Variants in SLC25A26 observed in about 807,000 individuals in gnomAD.
SLC25A26 encodes solute carrier family 25 member 26, also known as mitochondrial S-adenosylmethionine carrier protein.
Under a neutral mutation model 37.8 loss-of-function variants are expected in SLC25A26, and 36 were observed. The observed-to-expected ratio is 0.95, with a 90% CI of 0.73 to 1.26. The LOEUF is 1.26. SLC25A26 is among the 50% of genes most tolerant of loss of function. The probability of loss-of-function intolerance (pLI) is 0.00; values close to 1 mark genes in which losing one functional copy is unlikely to be tolerated. For synonymous variants in SLC25A26, 129 were observed against 122.5 expected (o/e 1.05, Z -0.35); for missense variants, 390 against 331.1 (o/e 1.18, Z -1.38).
intron 1 of SLC25A26, among the ~76,000 whole-genome samples, chr3:66,198,640 CCTCAACCCACATCCTAACTCCGGCA>C (rs2071075223): frequency 2.0e-5 from 3 of 151,842 alleles, no homozygotes; most frequent in Non-Finnish European, 1.5e-5. Context: ...CCTCACTTGA[CCTCAACCCACATCCTAACTCCGGCA>C]CTCACTGTGA....
chr3:66,324,229 T>TGTGTGTGTGTGTGTGTGGTGTG (rs58406484), intron 5 of SLC25A26: 1 of 128,054 alleles, frequency 7.8e-6, no homozygotes. Flanking sequence ...TGTGTGTGTG[T>TGTGTGTGTGTGTGTGTGGTGTG]AGTTTGACAG....
intron 1 of SLC25A26, among the ~76,000 whole-genome samples, chr3:66,146,536 T>C (rs908794098): frequency 2.6e-5 from 4 of 152,156 alleles, no homozygotes; most frequent in African/African-American, 9.7e-5. Flanking sequence ...ATGTATTATT[T>C]GTACATATGG....
intron 3 of SLC25A26, among the ~76,000 whole-genome samples, chr3:66,257,501 G>C (rs2073350393): frequency 6.6e-6 from 1 of 152,136 alleles, no homozygotes; most frequent in East Asian, 1.9e-4. Flanking sequence ...CAAAGATCCA[G>C]GTTTGATGCA....
At chr3:66,145,053 C>A (rs1055238919) in intron 1 of SLC25A26, among the ~76,000 whole-genome samples, 1 of 152,032 alleles carries the variant, frequency 6.6e-6, no homozygotes, top group Non-Finnish European at 1.5e-5. Context: ...AGAAGAAATC[C>A]CTTAAGAATT....
At chr3:66,299,043 G>A (rs574848857) in intron 5 of SLC25A26, among the ~76,000 whole-genome samples, 1 of 152,156 alleles carries the variant, frequency 6.6e-6, no homozygotes, top group African/African-American at 2.4e-5. Context: ...AGGGACCCTT[G>A]GTTTGTGTGT....
intron 1 of SLC25A26, among the ~76,000 whole-genome samples, chr3:66,194,100 T>A (rs1318824769): frequency 6.6e-6 from 1 of 152,234 alleles, no homozygotes; most frequent in African/African-American, 2.4e-5. Context: ...TTTGAAAATG[T>A]GTCTTATCTG....
intron 6 of SLC25A26, 158 bp downstream of exon 6, chr3:66,346,566 A>C (rs1029440337): frequency 6.3e-6 from 1 of 159,472 alleles, no homozygotes; most frequent in African/African-American, 2.4e-5. Flanking sequence ...ATGCCATTTC[A>C]GCCTTTTAAA....
chr3:66,183,644 C>G (rs969641861), intron 1 of SLC25A26, among the ~76,000 whole-genome samples: 7 of 152,034 alleles, frequency 4.6e-5, no homozygotes, highest in Non-Finnish European at 8.8e-5. Flanking sequence ...GATCCTGAAT[C>G]TGACCTTCAT....
rs1239888599 is a variant in SLC25A26 at position 66,346,363 on chromosome 3, G to C, written c.454-1G>C. 2 of 1,480,352 alleles carry C rather than the reference G, an allele frequency of 1.4e-6. No homozygotes were observed. The highest frequency in any genetic ancestry group is 2.5e-5 in the East Asian group (1 of 39,668). The allele number at this position is 1,480,352 out of a possible 1,614,324, so 91.7% of individuals were successfully genotyped here. On this transcript the variant is annotated splice_acceptor_variant, in intron 5 of 9. Coordinates refer to ENST00000354883, the MANE Select transcript of SLC25A26 (RefSeq NM_001379210.1). LOFTEE classifies it high-confidence loss of function. The stretch of plus-strand genomic sequence containing the variant: ...ATTTAATTTTTTTTTTCTCTCTTCA[G>C]ATTCCTTTTTCTTTGGTCCAGTTTC...
intron 5 of SLC25A26, among the ~76,000 whole-genome samples, chr3:66,315,239 A>G (rs192141068): frequency 1.3e-5 from 2 of 152,046 alleles, no homozygotes; most frequent in East Asian, 1.9e-4. Flanking sequence ...AGATCTTTCT[A>G]ACTTTTTGAT....
At chr3:66,253,414 A>AC (rs2073173661) in intron 3 of SLC25A26, among the ~76,000 whole-genome samples, 1 of 151,860 alleles carries the variant, frequency 6.6e-6, no homozygotes, top group South Asian at 2.1e-4. Flanking sequence ...AAAAAAAAAA[A>AC]AAATGTTGAG....
At chr3:66,175,629 G>A (rs1356004708) in intron 1 of SLC25A26, among the ~76,000 whole-genome samples, 1 of 152,180 alleles carries the variant, frequency 6.6e-6, no homozygotes, top group African/African-American at 2.4e-5. Context: ...AGCCAATGTT[G>A]TAAGTTGTAG....
At chr3:66,137,163 C>A (rs2069958321) in intron 1 of SLC25A26, among the ~76,000 whole-genome samples, 1 of 150,826 alleles carries the variant, frequency 6.6e-6, no homozygotes, top group Non-Finnish European at 1.5e-5. Flanking sequence ...AAATCACCAT[C>A]TATGGAACAG....
At chr3:66,239,886 C>T (rs995824803) in intron 2 of SLC25A26, among the ~76,000 whole-genome samples, 2 of 147,764 alleles carry the variant, frequency 1.4e-5, no homozygotes, top group Non-Finnish European at 3.0e-5. Flanking sequence ...TGGCTGGCAG[C>T]CACAGCTTCA....
At chr3:66,325,517 A>G (rs1444978575) in intron 5 of SLC25A26, among the ~76,000 whole-genome samples, 1 of 152,244 alleles carries the variant, frequency 6.6e-6, no homozygotes, top group Non-Finnish European at 1.5e-5. Context: ...TATAGGCGCT[A>G]TGAGAATGTC....
chr3:66,269,378 G>A (rs1021462683), intron 5 of SLC25A26, among the ~76,000 whole-genome samples: 10 of 152,172 alleles, frequency 6.6e-5, no homozygotes, highest in Non-Finnish European at 1.3e-4. Context: ...TAATGAGAGT[G>A]TTATATCCAG....
chr3:66,353,334 T>C (rs911851730), intron 6 of SLC25A26, among the ~76,000 whole-genome samples: 1 of 152,206 alleles, frequency 6.6e-6, no homozygotes, highest in African/African-American at 2.4e-5. Flanking sequence ...CCTGTTCATC[T>C]TCATGACAGT....
intron 5 of SLC25A26, among the ~76,000 whole-genome samples, chr3:66,265,037 G>T (rs2073689589): frequency 6.6e-6 from 1 of 152,226 alleles, no homozygotes; most frequent in South Asian, 2.1e-4. Context: ...TATGGGCCAG[G>T]CATGGTGACT....
chr3:66,168,336 C>G (rs910540970), intron 1 of SLC25A26, among the ~76,000 whole-genome samples: 1 of 151,776 alleles, frequency 6.6e-6, no homozygotes, highest in African/African-American at 2.4e-5. Flanking sequence ...GCTGCTGTTG[C>G]GGGTGATAGA....
Sources: allele counts gnomAD v4.1 joint callset (sites outside exome capture counted in the v4.1 genomes callset), GRCh38; gene constraint gnomAD v4.1.1; transcripts MANE v1.5; gene names NCBI Gene and HGNC (gene_info 2026-07-23, HGNC 2026-07-21).